Variants in SORCS3 observed in about 807,000 individuals in gnomAD.
SORCS3 encodes VPS10 domain-containing receptor SorCS3.
SORCS3 carries 57 observed loss-of-function variants against 146.3 expected under a neutral mutation model. The observed-to-expected ratio is 0.39, with a 90% CI of 0.31 to 0.49. SORCS3 has a LOEUF of 0.49. Among genes scored for constraint, SORCS3 ranks in the 20% least tolerant of loss-of-function variants. The pLI is 0.92. For synonymous variants in SORCS3, 653 were observed against 618.5 expected, an observed-to-expected ratio of 1.06 and a Z score of -0.83; for missense variants, 1,341 against 1,575.5, an observed-to-expected ratio of 0.85 and a Z score of 2.52.
chr10:104,897,329 T>G (rs925015600), intron 2 of SORCS3, among the ~76,000 whole-genome samples: 2 of 152,206 alleles, frequency 1.3e-5, no homozygotes, highest in African/African-American at 4.8e-5. Flanking sequence ...AATTTTGTCT[T>G]TTCCAACAAT....
At chr10:104,745,716 TTGAC>T (rs1248468276) in intron 1 of SORCS3, among the ~76,000 whole-genome samples, 1 of 152,176 alleles carries the variant, frequency 6.6e-6, no homozygotes, top group East Asian at 1.9e-4. Flanking sequence ...GTTGTATCCT[TTGAC>T]TGATACCTCC....
intron 4 of SORCS3, among the ~76,000 whole-genome samples, chr10:104,987,438 G>A (rs1037211784): frequency 6.6e-6 from 1 of 152,034 alleles, no homozygotes; most frequent in Non-Finnish European, 1.5e-5. Flanking sequence ...CTAGTTATAA[G>A]GCAGTGCTCT....
At chr10:105,027,213 T>G (rs1366213408) in intron 4 of SORCS3, among the ~76,000 whole-genome samples, 1 of 152,180 alleles carries the variant, frequency 6.6e-6, no homozygotes, top group Non-Finnish European at 1.5e-5. Flanking sequence ...CCCTTTCATT[T>G]CCTTCAGGTT....
intron 1 of SORCS3, among the ~76,000 whole-genome samples, chr10:104,790,384 A>G (rs930093870): frequency 3.3e-5 from 5 of 152,202 alleles, no homozygotes; most frequent in Non-Finnish European, 7.3e-5. Flanking sequence ...AGGAAGAAAA[A>G]GTGTAGAGAT....
At chr10:105,156,162 C>T (rs1240965598) in intron 9 of SORCS3, among the ~76,000 whole-genome samples, 1 of 152,144 alleles carries the variant, frequency 6.6e-6, no homozygotes. Flanking sequence ...CAAAACCTGC[C>T]ATTGAACCTA....
rs536418132 is a variant in SORCS3, at chr10:104,717,629, C to T, written c.627+75675C>T. On this transcript the variant is annotated intron_variant, in intron 1 of 26. Transcript: ENST00000369701. ...CCCTGGGGCAGTGACAAGTAGGAGA[C>T]CTCTGAGGGCACCACCTGCATATTG... Among the ~76,000 whole-genome samples, 11 of 152,212 alleles carry T rather than the reference C, an allele frequency of 7.2e-5. No individual in the cohort carries two copies. The South Asian group carries it at 2.3e-3, about 32-fold the overall frequency.
intron 4 of SORCS3, among the ~76,000 whole-genome samples, chr10:105,000,494 G>A (rs993827815): frequency 2.0e-5 from 3 of 151,968 alleles, no homozygotes; most frequent in South Asian, 4.2e-4. Flanking sequence ...TTGTTGTTTT[G>A]TTTTGTTTTT....
intron 1 of SORCS3, among the ~76,000 whole-genome samples, chr10:104,796,645 A>C (rs572241012): frequency 4.8e-4 from 73 of 152,366 alleles, no homozygotes; most frequent in African/African-American, 1.7e-3. Context: ...TAGTTAAAAA[A>C]GAATAGCCAA....
At position 104,853,955 on chromosome 10, in the gene SORCS3, G is replaced by A. The variant is rs2018301859; in HGVS notation, c.695+11096G>A. Among the ~76,000 whole-genome samples the A allele has an allele frequency of 1.3e-5, 2 of 152,144 alleles. 1 individual carries two copies. The highest frequency in any genetic ancestry group is 2.9e-5 in the Non-Finnish European group (2 of 68,032). On this transcript the variant is annotated intron_variant, in intron 2 of 26. Transcript: ENST00000369701. ...CTTGCAAGGGTTTTACCCCATATTGGTGGATGATGAACCCGAGATTCGTGC... is the reference window on the plus strand; with the variant it reads ...CTTGCAAGGGTTTTACCCCATATTGATGGATGATGAACCCGAGATTCGTGC...
chr10:105,055,960 G>A (rs899080431), intron 5 of SORCS3, among the ~76,000 whole-genome samples: 3 of 152,184 alleles, frequency 2.0e-5, no homozygotes, highest in Non-Finnish European at 2.9e-5. Flanking sequence ...ATTCTTGCAT[G>A]TCTCAGAGGG....
chr10:105,242,557 C>CATTTATATAT (rs2056835935), intron 20 of SORCS3, among the ~76,000 whole-genome samples: 1 of 42,072 alleles, frequency 2.4e-5, no homozygotes, highest in Non-Finnish European at 3.9e-5. Flanking sequence ...TATTTATATA[C>CATTTATATAT]ATTTATATAT....
intron 1 of SORCS3, among the ~76,000 whole-genome samples, chr10:104,762,454 C>T (rs557334019): frequency 6.6e-6 from 1 of 152,282 alleles, no homozygotes; most frequent in South Asian, 2.1e-4. Context: ...GCGTGGAGGG[C>T]CCTGGAACTG....
At chr10:105,164,143 A>T (rs1036759267) in intron 11 of SORCS3, among the ~76,000 whole-genome samples, 160 bp from the exon 12 acceptor site, 2 of 152,038 alleles carry the variant, frequency 1.3e-5, no homozygotes, top group African/African-American at 2.4e-5. Flanking sequence ...TGGGTTTTTC[A>T]TCCTGCTGGG....
At chr10:105,065,786 A>C (rs1161345351) in intron 5 of SORCS3, among the ~76,000 whole-genome samples, 1 of 152,220 alleles carries the variant, frequency 6.6e-6, no homozygotes, top group Non-Finnish European at 1.5e-5. Context: ...GTAAAAGAGG[A>C]AGAAGAAAAA....
Position 104,686,097 on chromosome 10 carries a change from C to G in SORCS3, c.627+44143C>G, listed in dbSNP as rs147337272. ...TGAAGTGGAATGAAAGTAGGTAGCA[C>G]AGGCATCTCTTTAGGGACATCTACT... On this transcript the variant is annotated intron_variant, in intron 1 of 26. Coordinates refer to ENST00000369701, the MANE Select transcript of SORCS3 (RefSeq NM_014978.3). Among the ~76,000 whole-genome samples the G allele has an allele frequency of 2.9e-3, 446 of 152,102 alleles. 2 individuals are homozygous for G. Among genetic ancestry groups the G allele is most frequent in the African/African-American group, 9.8e-3 (407 of 41,502 alleles).
intron 4 of SORCS3, among the ~76,000 whole-genome samples, chr10:105,034,381 G>C (rs2055291803): frequency 6.6e-6 from 1 of 152,132 alleles, no homozygotes; most frequent in Non-Finnish European, 1.5e-5. Context: ...AAACTAAATG[G>C]GAACCAATGT....
chr10:104,858,437 T>C (rs1472476310), intron 2 of SORCS3, among the ~76,000 whole-genome samples: 1 of 152,244 alleles, frequency 6.6e-6, no homozygotes, highest in Admixed American at 6.5e-5. Flanking sequence ...TACTCAAGTA[T>C]TCATCTGTTT....
chr10:104,696,617 T>TA (rs2016209472), intron 1 of SORCS3, among the ~76,000 whole-genome samples: 1 of 101,700 alleles, frequency 9.8e-6, no homozygotes, highest in Non-Finnish European at 1.8e-5. Flanking sequence ...ATATAATATA[T>TA]ATTATATACG....
At chr10:104,770,062 G>C (rs2017229267) in intron 1 of SORCS3, among the ~76,000 whole-genome samples, 1 of 152,110 alleles carries the variant, frequency 6.6e-6, no homozygotes, top group Admixed American at 6.5e-5. Flanking sequence ...AATTTCATCA[G>C]GAATATCCAA....
Sources: allele counts gnomAD v4.1 joint callset (sites outside exome capture counted in the v4.1 genomes callset), GRCh38; gene constraint gnomAD v4.1.1; transcripts MANE v1.5; gene names NCBI Gene and HGNC (gene_info 2026-07-23, HGNC 2026-07-21).